The following LIN9 variants were observed in gnomAD, a reference collection of about 807,000 sequenced individuals.
LIN9 encodes the protein protein lin-9 homolog.
Under a neutral mutation model 78.0 loss-of-function variants are expected in LIN9, and 18 were observed. The ratio of observed to expected loss-of-function variants is 0.23; its 90% CI spans 0.16 to 0.34. The LOEUF is 0.34. Among genes scored for constraint, LIN9 ranks in the 10% least tolerant of loss-of-function variants. The pLI is 1.00. For synonymous variants in LIN9, 192 were observed against 215.2 expected (o/e 0.89, Z 0.94); for missense variants, 451 against 644.1 (o/e 0.70, Z 3.25).
intron 4 of LIN9, among the ~76,000 whole-genome samples, chr1:226,289,846 T>G (rs12046522): frequency 0.31 from 4,705 of 15,234 alleles, 120 homozygotes; most frequent in African/African-American, 0.36. Context: ...GGGGGGGGGG[T>G]GGGGGGGGGT....
At chr1:226,309,528 C>T (rs899849968), upstream of LIN9, 2 of 1,175,050 alleles carry the variant, frequency 1.7e-6, no homozygotes, top group Non-Finnish European at 2.2e-6. Flanking sequence ...CTGTTTGTTC[C>T]GAGTGGAGAA....
In LIN9 at chr1:226,265,032, T is replaced by C. The variant is rs1423381853; in HGVS notation, c.1038+501A>G. Among the ~76,000 whole-genome samples the C allele has an allele frequency of 6.6e-6, 1 of 152,210 alleles. No homozygotes were observed. Among genetic ancestry groups the C allele is most frequent in the Non-Finnish European group, 1.5e-5 (1 of 68,038 alleles). The stretch of plus-strand genomic sequence containing the variant: ...GTCCAGCTATAAGGAAATTTTCCAA[T>C]ATAATACTTCTACACTTAGTTCAGT... On this transcript the variant is annotated intron_variant, in intron 10 of 14. Coordinates refer to ENST00000681046, the MANE Select transcript of LIN9 (RefSeq NM_001366245.2). The surrounding 1 kb of genome is among the most constrained non-coding windows in gnomAD (Gnocchi z 4.1).
At chr1:226,304,411 C>T (rs1011770590) in intron 1 of LIN9, among the ~76,000 whole-genome samples, 3 of 152,036 alleles carry the variant, frequency 2.0e-5, no homozygotes, top group Admixed American at 6.6e-5. Context: ...CTGTTAGGGG[C>T]GAGGGTTACC....
In LIN9 at chr1:226,267,230, G is replaced by GATATAT. The variant is rs4012808; in HGVS notation, c.816+721_816+726dup. 9.6e-3 allele frequency among the ~76,000 whole-genome samples: 1,322 copies of GATATAT among 137,670 alleles called. 25 individuals are homozygous for GATATAT. The highest frequency in any genetic ancestry group is 0.044 in the Admixed American group (592 of 13,390). 90.3% of individuals were successfully genotyped at this position (137,670 alleles called of 152,430 possible). A position where few individuals can be genotyped will look rare whatever the true frequency, so the allele number is the denominator to read the frequency against. ...CAATATTGTATTTCTGCACTAAGGA[G>GATATAT]ATATATATATATATATATATATATT... On this transcript the variant is annotated intron_variant, in intron 8 of 14. Transcript: ENST00000681046.
At chr1:226,301,926 G>A (rs1042386988) in intron 1 of LIN9, among the ~76,000 whole-genome samples, 2 of 152,114 alleles carry the variant, frequency 1.3e-5, no homozygotes, top group Non-Finnish European at 2.9e-5. Context: ...TTAATTCACT[G>A]GGTATGGGGG....
At chr1:226,290,460 C>T (rs1260732405) in intron 4 of LIN9, among the ~76,000 whole-genome samples, 1 of 151,956 alleles carries the variant, frequency 6.6e-6, no homozygotes, top group African/African-American at 2.4e-5. Context: ...CCTGTCTCAG[C>T]CTCCCGAGTA....
chr1:226,243,626 G>A (rs577796912), intron 11 of LIN9, among the ~76,000 whole-genome samples: 67 of 145,304 alleles, frequency 4.6e-4, no homozygotes, highest in Admixed American at 4.6e-3. Flanking sequence ...AACCCAGGAG[G>A]TAGAGGTTGC....
chr1:226,250,799 T>A, intron 11 of LIN9, 40 bp downstream of exon 11: 1 of 1,048,418 alleles, frequency 9.5e-7, no homozygotes, highest in Non-Finnish European at 1.4e-6. Context: ...TATTTTAAAA[T>A]TAGACAAGCA....
chr1:226,237,130 T>C (rs1189393540), intron 12 of LIN9, among the ~76,000 whole-genome samples: 1 of 152,208 alleles, frequency 6.6e-6, no homozygotes, highest in Non-Finnish European at 1.5e-5. Context: ...GAAAGGAGCC[T>C]ATCACAAATG....
chr1:226,253,237 G>C (rs1658955921), intron 10 of LIN9, among the ~76,000 whole-genome samples: 1 of 149,664 alleles, frequency 6.7e-6, no homozygotes, highest in African/African-American at 2.5e-5. Context: ...CACTCAGCCT[G>C]GGTGACAAAG....
At chr1:226,258,944 G>A (rs1369679291) in intron 10 of LIN9, among the ~76,000 whole-genome samples, 21 of 138,370 alleles carry the variant, frequency 1.5e-4, no homozygotes, top group African/African-American at 5.7e-4. Context: ...TAATGAGAAA[G>A]GGGTCAATGT....
chr1:226,272,122 T>C (rs978523409), intron 7 of LIN9, among the ~76,000 whole-genome samples: 1 of 150,966 alleles, frequency 6.6e-6, no homozygotes, highest in African/African-American at 2.4e-5. Context: ...GTGGGTGAGA[T>C]CTTGGCTCGC....
At chr1:226,289,834 C>CGGAGGG (rs1296903239) in intron 4 of LIN9, among the ~76,000 whole-genome samples, 1 of 12,070 alleles carries the variant, frequency 8.3e-5, no homozygotes, top group Non-Finnish European at 1.5e-4. Context: ...AGTAGTCCTC[C>CGGAGGG]GGGGGGGGGG....
upstream of LIN9, chr1:226,309,708 C>G: frequency 1.6e-6 from 2 of 1,287,376 alleles, no homozygotes; most frequent in Non-Finnish European, 2.0e-6. Context: ...CCCTGCGCGT[C>G]GCGACGTCCG....
Position 226,265,432 on chromosome 1 carries a change from G to T in LIN9, c.1038+101C>A. The T allele has an allele frequency of 1.7e-6, 1 of 578,698 alleles. No individual in the cohort carries two copies. The highest frequency in any genetic ancestry group is 3.0e-6 in the Non-Finnish European group (1 of 328,606). The allele number at this position is 578,698 out of a possible 1,614,324, so 35.8% of individuals were successfully genotyped here. On this transcript the variant is annotated intron_variant, in intron 10 of 14. Coordinates refer to ENST00000681046, the MANE Select transcript of LIN9 (RefSeq NM_001366245.2). This position sits in a 1 kb window ranked among gnomAD's most constrained non-coding sequence, Gnocchi z 4.1. ...AAATAGCAGCTCTTAAAACCTACAC[G>T]GTGATAAACCTACACGGCCCTAGAA...
chr1:226,237,231 A>G (rs1464371552), intron 12 of LIN9, among the ~76,000 whole-genome samples: 2 of 152,210 alleles, frequency 1.3e-5, no homozygotes, highest in Non-Finnish European at 2.9e-5. Context: ...CATAGTCTGC[A>G]TGTCTTGTGA....
intron 12 of LIN9, among the ~76,000 whole-genome samples, chr1:226,238,567 C>CCAAGATTG (rs1450727906): frequency 3.3e-5 from 5 of 151,744 alleles, no homozygotes; most frequent in Admixed American, 3.3e-4. Context: ...CTGTAGTTCG[C>CCAAGATTG]CAAGATTGCA....
chr1:226,286,629 G>A (rs767459765), intron 5 of LIN9, among the ~76,000 whole-genome samples, 171 bp from the exon 6 acceptor site: 2 of 152,152 alleles, frequency 1.3e-5, no homozygotes, highest in East Asian at 1.9e-4. Flanking sequence ...ATCTAATGTC[G>A]TGTAAAAGTT....
chr1:226,299,491 C>T (rs899026584), intron 2 of LIN9, among the ~76,000 whole-genome samples: 19 of 137,564 alleles, frequency 1.4e-4, no homozygotes, highest in Non-Finnish European at 1.4e-4. Flanking sequence ...GGCGACAAAC[C>T]GAGACTCAGT....
Sources: allele counts gnomAD v4.1 joint callset (sites outside exome capture counted in the v4.1 genomes callset), GRCh38; gene constraint gnomAD v4.1.1; non-coding constraint Gnocchi (gnomAD v3.1); transcripts MANE v1.5; gene names NCBI Gene and HGNC (gene_info 2026-07-23, HGNC 2026-07-21).